Variants in AHCY observed in about 807,000 individuals in gnomAD.
AHCY encodes the protein adenosylhomocysteinase.
AHCY carries 24 observed loss-of-function variants against 45.4 expected under a neutral mutation model. The ratio of observed to expected loss-of-function variants is 0.53; its 90% CI spans 0.38 to 0.74. The LOEUF (loss-of-function observed/expected upper bound fraction) is 0.74. AHCY is among the 30% of genes least tolerant of loss of function. AHCY has a pLI of 0.00. For synonymous variants in AHCY, 245 were observed against 235.1 expected (o/e 1.04, Z -0.39); for missense variants, 449 against 594.1 (o/e 0.76, Z 2.54).
Position 34,292,364 on chromosome 20 carries a change from G to C in AHCY, c.439C>G (p.Leu147Val). Residue 147 changes from leucine to valine, a missense_variant, in exon 4 of 10, where the codon CTG becomes GTG. Transcript: ENST00000217426. ...NLIHTKYPQL[L>V]PGIRGISEET... Reference sequence around the variant, plus strand: ...CCTGCCCCGCCCTGCTCACCTGGCAGAAGCTGCGGGTACTTGGTGTGGATG... The same window carrying C: ...CCTGCCCCGCCCTGCTCACCTGGCACAAGCTGCGGGTACTTGGTGTGGATG... The C allele has an allele frequency of 6.2e-7, 1 of 1,613,200 alleles. No homozygotes were observed. The highest frequency in any genetic ancestry group is 1.1e-5 in the South Asian group (1 of 91,006).
chr20:34,258,193 G>A, the AHCY span, among the ~76,000 whole-genome samples: 4 of 151,578 alleles, frequency 2.6e-5, no homozygotes, highest in Non-Finnish European at 4.4e-5. Flanking sequence ...GTGCTCCATC[G>A]GTTAGTAGAT....
chr20:34,294,295 TG>T, intron 2 of AHCY, 139 bp from the exon 3 acceptor site: 2 of 812,500 alleles, frequency 2.5e-6, no homozygotes, highest in South Asian at 2.9e-5. Context: ...GATCACAGGC[TG>T]GGGATGCTGG....
chr20:34,311,077 G>A (rs1280167284), intron 1 of AHCY, among the ~76,000 whole-genome samples: 1 of 152,150 alleles, frequency 6.6e-6, no homozygotes, highest in Non-Finnish European at 1.5e-5. Flanking sequence ...CCGAGATTGT[G>A]CCACTGCACT....
chr20:34,291,388 T>G, intron 5 of AHCY, 31 bp downstream of exon 5: 1 of 1,575,498 alleles, frequency 6.3e-7, no homozygotes, highest in East Asian at 2.2e-5. Flanking sequence ...GCAGCCACTG[T>G]AGCGGGAGCT....
chr20:34,279,614 G>C (rs149960148), downstream of AHCY, among the ~76,000 whole-genome samples: 3 of 152,040 alleles, frequency 2.0e-5, no homozygotes, highest in African/African-American at 7.2e-5. Context: ...ACATACACAC[G>C]TAACTTATGC....
At chr20:34,286,998 C>G (rs759445367) in intron 8 of AHCY, among the ~76,000 whole-genome samples, 62 of 152,154 alleles carry the variant, frequency 4.1e-4, no homozygotes, top group South Asian at 8.3e-4. Context: ...CCCAGTCCTC[C>G]GTCTGTCCCA....
At position 34,295,073 on chromosome 20, in the gene AHCY, C is replaced by A. The variant is rs1472000494; in HGVS notation, c.219+322G>T. The A allele has an allele frequency of 4.6e-5, 20 of 435,344 alleles. No homozygotes were observed. The East Asian group carries it at 1.0e-3, about 22-fold the overall frequency. 27.0% of individuals were successfully genotyped at this position (435,344 alleles called of 1,614,324 possible). A position where few individuals can be genotyped will look rare whatever the true frequency, so the allele number is the denominator to read the frequency against. The stretch of plus-strand genomic sequence containing the variant: ...GATGGGTCCAGGGTAGGCCTGTGAC[C>A]CCCGAAGGGCCAAGGCAAGCTGGCC... On this transcript the variant is annotated intron_variant, in intron 2 of 9. Transcript: ENST00000217426.
the AHCY span, chr20:34,245,876 G>C: frequency 7.2e-6 from 7 of 966,810 alleles, no homozygotes; most frequent in Non-Finnish European, 8.5e-6. Flanking sequence ...ATATATATAT[G>C]TATATATAAA....
At chr20:34,243,973 G>A in the AHCY span, among the ~76,000 whole-genome samples, 4 of 152,154 alleles carry the variant, frequency 2.6e-5, no homozygotes, top group African/African-American at 7.2e-5. Flanking sequence ...GCTGAGGCAG[G>A]AGAATGGCGT....
intron 3 of AHCY, among the ~76,000 whole-genome samples, chr20:34,292,838 C>G (rs1014512202): frequency 6.6e-6 from 1 of 152,164 alleles, no homozygotes; most frequent in African/African-American, 2.4e-5. Context: ...ATATAGATAT[C>G]AGGAAATCAT....
intron 2 of AHCY, 105 bp downstream of exon 2, chr20:34,295,290 G>C: frequency 7.0e-7 from 1 of 1,423,220 alleles, no homozygotes; most frequent in Non-Finnish European, 9.7e-7. Flanking sequence ...CAGGCCCGCG[G>C]TCAGCTCCAC....
chr20:34,265,974 A>G, the AHCY span, among the ~76,000 whole-genome samples: 6 of 151,942 alleles, frequency 3.9e-5, no homozygotes, highest in South Asian at 4.2e-4. Flanking sequence ...GGAGGGGGGG[A>G]AGTTAAAACA....
At chr20:34,302,104 A>G (rs1165237266) in intron 1 of AHCY, 1 of 511,282 alleles carries the variant, frequency 2.0e-6, no homozygotes, top group Admixed American at 6.4e-5. Context: ...CGGCTCAAAC[A>G]GTCCTCCTGC....
chr20:34,260,578 CAGG>C, the AHCY span: 1 of 1,548,862 alleles, frequency 6.5e-7, no homozygotes. Context: ...AGAGGGGCTG[CAGG>C]AGATCAAGCA....
chr20:34,289,333 C>A (rs964238448), intron 8 of AHCY, among the ~76,000 whole-genome samples: 3 of 152,044 alleles, frequency 2.0e-5, no homozygotes, highest in African/African-American at 7.2e-5. Context: ...ATCACCACAC[C>A]CGGCTAACTT....
rs760451324 is a variant in AHCY at position 34,292,482 on chromosome 20, G to A, written c.321C>T (p.Asp107=). The change falls in exon 4 of 10, where the codon GAC becomes GAT. Residue 107 remains aspartate (D), a synonymous_variant. Transcript: ENST00000217426. ...IPVYAWKGET[D]EEYLWCIEQT... ...GCTCAATGCACCACAGGTACTCCTC[G>A]TCCGTTTCGCCCTTCCAGGCATACA... 2.1e-5 allele frequency: 34 copies of A among 1,614,006 alleles called. No homozygotes were observed. The highest frequency in any genetic ancestry group is 5.3e-5 in the African/African-American group (4 of 74,942).
At chr20:34,278,375 G>C (rs819175), downstream of AHCY, among the ~76,000 whole-genome samples, 113,257 of 152,086 alleles carry the variant, frequency 0.74, 45,508 homozygotes, top group Non-Finnish European at 0.89. Context: ...CCCACATCCA[G>C]GAGGAGACAC....
At position 34,290,919 on chromosome 20, in the gene AHCY, T is replaced by C. The variant is rs772905203; in HGVS notation, c.578A>G (p.Tyr193Cys). ...ATCTATGAGGGACTCCCGGCAGCCATAGAGGTTGTCAAACTTGCTCTGAAA... is the reference window on the plus strand; with the variant it reads ...ATCTATGAGGGACTCCCGGCAGCCACAGAGGTTGTCAAACTTGCTCTGAAA... ...SVTKSKFDNL[Y>C]GCRESLIDGI... The change falls in exon 6 of 10, where the codon TAT becomes TGT. Residue 193 changes from tyrosine to cysteine, a missense_variant. Tyr to Cys is a radical substitution (Grantham distance 194). Transcript: ENST00000217426. The surrounding 1 kb of genome is among the most constrained non-coding windows in gnomAD (Gnocchi z 4.5). 16 of 1,614,052 alleles carry C rather than the reference T, an allele frequency of 9.9e-6. No individual in the cohort carries two copies. The highest frequency in any genetic ancestry group is 1.1e-5 in the Non-Finnish European group (13 of 1,179,998).
In AHCY at chr20:34,285,497, G is replaced by C. The variant is rs138006791; in HGVS notation, c.1110C>G (p.Ile370Met). Reference protein sequence around the residue: ...NSFTNQVMAQIELWTHPDKYP... With the variant: ...NSFTNQVMAQMELWTHPDKYP... ...ACTTGTCTGGATGGGTCCACAGCTCGATCTGCGCCATCACCTGGTTGGTGA... is the reference window on the plus strand; with the variant it reads ...ACTTGTCTGGATGGGTCCACAGCTCCATCTGCGCCATCACCTGGTTGGTGA... The change falls in exon 9 of 10, where the codon ATC becomes ATG. Residue 370 changes from isoleucine to methionine, a missense_variant. Coordinates refer to ENST00000217426, the MANE Select transcript of AHCY (RefSeq NM_000687.4). The C allele has an allele frequency of 1.9e-6, 3 of 1,614,074 alleles. No homozygotes were observed. Among genetic ancestry groups the C allele is most frequent in the Non-Finnish European group, 2.5e-6 (3 of 1,179,960 alleles).
Sources: allele counts gnomAD v4.1 joint callset (sites outside exome capture counted in the v4.1 genomes callset), GRCh38; gene constraint gnomAD v4.1.1; non-coding constraint Gnocchi (gnomAD v3.1); transcripts MANE v1.5; gene names NCBI Gene and HGNC (gene_info 2026-07-23, HGNC 2026-07-21).